The following AATF variants were observed in gnomAD, a reference collection of about 807,000 sequenced individuals.
AATF encodes protein AATF.
In AATF, 48 loss-of-function variants were observed where a neutral mutation model predicts 63.7. The ratio of observed to expected loss-of-function variants is 0.75; its 90% CI spans 0.60 to 0.96. The LOEUF (loss-of-function observed/expected upper bound fraction) is 0.96. Ranked by LOEUF, AATF falls within the 40% of genes least tolerant of loss-of-function variation. The pLI is 0.00. For missense variants in AATF, 639 were observed against 685.7 expected (o/e 0.93, Z 0.76); for synonymous variants, 258 against 247.7 (o/e 1.04, Z -0.39).
intron 4 of AATF, among the ~76,000 whole-genome samples, chr17:36,962,288 C>T (rs939727087): frequency 1.3e-5 from 2 of 152,208 alleles, no homozygotes; most frequent in African/African-American, 2.4e-5. Flanking sequence ...CTTTGTCCAA[C>T]TTAGTTAATT....
At chr17:37,022,532 T>G (rs1169838552) in intron 10 of AATF, among the ~76,000 whole-genome samples, 2 of 152,184 alleles carry the variant, frequency 1.3e-5, no homozygotes, top group African/African-American at 4.8e-5. Context: ...CTTTACCTCT[T>G]TTTATGTCTT....
intron 11 of AATF, among the ~76,000 whole-genome samples, chr17:37,040,657 CAT>C (rs2071629886): frequency 6.6e-6 from 1 of 152,168 alleles, no homozygotes; most frequent in Non-Finnish European, 1.5e-5. Context: ...ATTTGGGAAT[CAT>C]GTGCCACAGG....
intron 11 of AATF, among the ~76,000 whole-genome samples, chr17:37,046,573 G>A (rs956591066): frequency 2.3e-4 from 35 of 152,200 alleles, no homozygotes; most frequent in African/African-American, 7.9e-4. Flanking sequence ...CGTTTTGATT[G>A]GTACCCGATT....
At chr17:37,026,780 G>T (rs1216756893) in intron 10 of AATF, among the ~76,000 whole-genome samples, 1 of 152,138 alleles carries the variant, frequency 6.6e-6, no homozygotes, top group Non-Finnish European at 1.5e-5. Context: ...TGTTTCACTG[G>T]CAGGACCAAC....
chr17:37,019,970 T>C (rs1355236798), intron 9 of AATF, among the ~76,000 whole-genome samples: 1 of 152,234 alleles, frequency 6.6e-6, no homozygotes, highest in African/African-American at 2.4e-5. Context: ...ATTAAGATTA[T>C]ATTAAGATTA....
At chr17:37,016,010 T>A (rs1312406469) in intron 8 of AATF, among the ~76,000 whole-genome samples, 3 of 152,176 alleles carry the variant, frequency 2.0e-5, no homozygotes, top group African/African-American at 7.2e-5. Flanking sequence ...GTGGTTCTGC[T>A]CCTTCTCTTT....
chr17:36,968,750 T>C (rs2071016239), intron 4 of AATF, among the ~76,000 whole-genome samples: 1 of 152,146 alleles, frequency 6.6e-6, no homozygotes, highest in Non-Finnish European at 1.5e-5. Context: ...GCCTCCTGAG[T>C]AGCTAGGACT....
At chr17:36,973,480 C>T (rs1157784347) in intron 4 of AATF, among the ~76,000 whole-genome samples, 1 of 152,042 alleles carries the variant, frequency 6.6e-6, no homozygotes, top group African/African-American at 2.4e-5. Flanking sequence ...TATGAAGAAA[C>T]ATAGATATGG....
intron 4 of AATF, among the ~76,000 whole-genome samples, chr17:36,963,103 A>G (rs150223980): frequency 1.1e-4 from 17 of 152,342 alleles, no homozygotes; most frequent in African/African-American, 4.1e-4. Flanking sequence ...TGACAAGAGC[A>G]AAACTCTGTC....
chr17:36,953,305 A>G lies in AATF; in HGVS notation c.694+9A>G, dbSNP rs748592496. 16 of 1,602,342 alleles carry G rather than the reference A, an allele frequency of 1.0e-5. No individual in the cohort carries two copies. Among genetic ancestry groups the G allele is most frequent in the Admixed American group, 6.8e-5 (4 of 58,406 alleles). On this transcript the variant is annotated intron_variant, in intron 3 of 11. Coordinates refer to ENST00000619387, the MANE Select transcript of AATF (RefSeq NM_012138.4). ...CGTGAAGAACCAGATAGGTTTGTAC[A>G]TGGTTTTGCTGATTGCCTGTTTTTC...
chr17:36,982,203 C>T (rs2071130825), intron 4 of AATF, among the ~76,000 whole-genome samples: 1 of 149,840 alleles, frequency 6.7e-6, no homozygotes, highest in Non-Finnish European at 1.5e-5. Flanking sequence ...ACTAATACTC[C>T]ATTGCTTTTT....
In AATF at chr17:36,988,728, T is replaced by A. The variant is rs2071189378; in HGVS notation, c.1149+8T>A. ...TCTGGAAAACTGGGGAAGGCAAGTG[T>A]GTGTATGCGCGCATGTATGTGTAAG... On this transcript the variant is annotated splice_region_variant and intron_variant, in intron 6 of 11. Transcript: ENST00000619387. 8 of 1,613,156 alleles carry A rather than the reference T, an allele frequency of 5.0e-6. No individual in the cohort carries two copies. The highest frequency in any genetic ancestry group is 6.8e-6 in the Non-Finnish European group (8 of 1,179,784).
At chr17:37,051,484 G>A (rs970084910) in intron 11 of AATF, among the ~76,000 whole-genome samples, 22 of 152,152 alleles carry the variant, frequency 1.4e-4, no homozygotes, top group Admixed American at 3.3e-4. Context: ...GAGTGCACAT[G>A]TGGAACTGAA....
intron 11 of AATF, among the ~76,000 whole-genome samples, chr17:37,048,464 A>G: frequency 7.0e-6 from 1 of 142,314 alleles, no homozygotes; most frequent in South Asian, 2.2e-4. Context: ...TCCGCCTCCC[A>G]GGTTCAAGTG....
intron 4 of AATF, among the ~76,000 whole-genome samples, chr17:36,954,317 A>T (rs1332383078): frequency 2.0e-5 from 3 of 152,036 alleles, no homozygotes; most frequent in Non-Finnish European, 4.4e-5. Context: ...CCTGGCCTCA[A>T]GCAATCCTCC....
chr17:37,005,689 CCTT>C (rs1253849274), intron 8 of AATF, among the ~76,000 whole-genome samples: 4 of 152,104 alleles, frequency 2.6e-5, no homozygotes, highest in African/African-American at 7.2e-5. Flanking sequence ...GATCTAAAAC[CCTT>C]CTTCCTGCCT....
intron 4 of AATF, among the ~76,000 whole-genome samples, chr17:36,957,956 C>A (rs949100390): frequency 1.3e-5 from 2 of 152,202 alleles, no homozygotes; most frequent in Non-Finnish European, 2.9e-5. Flanking sequence ...CTCCACACAC[C>A]ACCCCAAACA....
chr17:37,033,605 CTA>C (rs1313860306), intron 11 of AATF: 24 of 154,724 alleles, frequency 1.6e-4, no homozygotes, highest in African/African-American at 5.5e-4. Flanking sequence ...GAAAATGACT[CTA>C]TTAGGATTAA....
At chr17:37,021,760 G>A (rs530828596) in intron 10 of AATF, among the ~76,000 whole-genome samples, 1 of 83,712 alleles carries the variant, frequency 1.2e-5, no homozygotes, top group African/African-American at 1.2e-4. Flanking sequence ...AGCCGAGATC[G>A]CGCCACTGCA....
Sources: gnomAD v4.1 joint callset for allele counts (sites outside exome capture counted in the v4.1 genomes callset) on GRCh38, gnomAD v4.1.1 for gene constraint, MANE v1.5 for transcripts, NCBI Gene and HGNC (gene_info 2026-07-23, HGNC 2026-07-21) for gene names.